The following CBR4 variants were observed in gnomAD, a reference collection of about 807,000 sequenced individuals.
CBR4 encodes the protein carbonyl reductase 4.
A neutral mutation model predicts 21.0 loss-of-function variants in CBR4; 22 were observed. The ratio of observed to expected loss-of-function variants is 1.05; its 90% confidence interval spans 0.75 to 1.50. The LOEUF (loss-of-function observed/expected upper bound fraction) is 1.50, where lower values mean the gene tolerates loss of function less well. Ranked by LOEUF, CBR4 falls within the 40% of genes most tolerant of loss-of-function variation. CBR4 has a pLI of 0.00. For missense variants in CBR4, 302 were observed against 286.3 expected (o/e 1.05, Z -0.40); for synonymous variants, 100 against 104.4 (o/e 0.96, Z 0.26).
chr4:169,002,044 A>G (rs1179662459), intron 4 of CBR4, 27 bp downstream of exon 4: 1 of 1,521,740 alleles, frequency 6.6e-7, no homozygotes, highest in Admixed American at 2.1e-5. Context: ...ATCATAATCA[A>G]GTTATTTTAA....
intron 2 of CBR4, among the ~76,000 whole-genome samples, chr4:168,980,329 G>A (rs1764511694): frequency 1.3e-5 from 2 of 152,160 alleles, no homozygotes; most frequent in South Asian, 2.1e-4. Flanking sequence ...AGGAGCCACA[G>A]GGCTGAGCAA....
chr4:168,926,625 TTGCTGTGATTA>T, intron 2 of CBR4: 1 of 421,456 alleles, frequency 2.4e-6, no homozygotes, highest in South Asian at 3.9e-5. Flanking sequence ...AACTTTGGAA[TTGCTGTGATTA>T]AAGTGATCAA....
rs143717202 is a variant in CBR4 at position 168,921,659 on chromosome 4, G to A, written n.170-26894C>T. 6.1e-5 allele frequency: 99 copies of A among 1,610,280 alleles called. No individual in the cohort carries two copies. The African/African-American group carries it at 1.0e-3, about 17-fold the overall frequency. On this transcript the variant is annotated intron_variant and non_coding_transcript_variant, in intron 2 of 3. Coordinates refer to the CBR4 transcript ENST00000509108. ...ACTCTCTGATCATAGAGCCAGTCAC[G>A]TCACGTGATGCCGGCATCTACACAT... is the stretch of plus-strand genomic sequence containing the variant.
At position 169,010,104 on chromosome 4, in the gene CBR4, C is replaced by CATAATAAAGCG; in HGVS notation, c.-16_-15insCGCTTTATTAT. 1 of 1,601,676 alleles carries CATAATAAAGCG rather than the reference C, an allele frequency of 6.2e-7. No homozygotes were observed. Among genetic ancestry groups the CATAATAAAGCG allele is most frequent in the Non-Finnish European group, 8.5e-7 (1 of 1,174,228 alleles). ...ACTTTGTCCATCTCGGAGTCACAAA[C>CATAATAAAGCG]TCGGAGGAAAGAGGGTAGGGAGTGG... On this transcript the variant is annotated 5_prime_UTR_variant, in exon 1 of 5. The change creates a new upstream start codon in the 5' untranslated region. Coordinates refer to ENST00000306193, the MANE Select transcript of CBR4 (RefSeq NM_032783.5).
In CBR4 at chr4:169,009,945, T is replaced by C. The variant is rs1252183275; in HGVS notation, c.142+3A>G. Reference sequence around the variant, plus strand: ...AACTGGACAACTCCAGTTTGGTACCTACCGCCGAGGTCACCGGCGGCGGCT... The same window carrying C: ...AACTGGACAACTCCAGTTTGGTACCCACCGCCGAGGTCACCGGCGGCGGCT... On this transcript the variant is annotated splice_donor_region_variant and intron_variant, in intron 1 of 4. Transcript: ENST00000306193. 4 of 1,609,964 alleles carry C rather than the reference T, an allele frequency of 2.5e-6. No individual in the cohort carries two copies. Among genetic ancestry groups the C allele is most frequent in the African/African-American group, 2.7e-5 (2 of 74,838 alleles).
intron 2 of CBR4, among the ~76,000 whole-genome samples, chr4:168,946,881 C>T (rs1763408777): frequency 6.6e-6 from 1 of 152,090 alleles, no homozygotes; most frequent in South Asian, 2.1e-4. Flanking sequence ...CCACATACAC[C>T]ATCCCACAGT....
chr4:168,902,642 C>G lies in CBR4; in HGVS notation n.170-7877G>C, dbSNP rs555599310. Among the ~76,000 whole-genome samples the G allele has an allele frequency of 3.3e-3, 496 of 152,232 alleles. 4 individuals carry two copies. Among genetic ancestry groups the G allele is most frequent in the African/African-American group, 0.01 (436 of 41,546 alleles). The stretch of plus-strand genomic sequence containing the variant: ...CCAGCCTGGGCAACGGAGCGAGACC[C>G]TGTCTCCAAAACAAAACAAAACCTT... On this transcript the variant is annotated intron_variant and non_coding_transcript_variant, in intron 2 of 3. Coordinates refer to the CBR4 transcript ENST00000509108.
intron 2 of CBR4, among the ~76,000 whole-genome samples, chr4:168,979,770 C>T (rs1175481834): frequency 6.6e-6 from 1 of 152,192 alleles, no homozygotes; most frequent in Non-Finnish European, 1.5e-5. Flanking sequence ...TTCCCATTCG[C>T]AGTGGCTCTG....
rs1764777373 is a variant in CBR4, at chr4:168,988,632, T to C, written c.*1518A>G. ...TGCATTTCCTATATGTGCCTAGACT[T>C]GGTAATGCCTGATAAATTCTGTATA... On this transcript the variant is annotated 3_prime_UTR_variant, in exon 5 of 5. Transcript: ENST00000306193. 1.0e-6 allele frequency: 1 copy of C among 985,408 alleles called. No individual in the cohort carries two copies. The highest frequency in any genetic ancestry group is 1.2e-6 in the Non-Finnish European group (1 of 829,870). 61.0% of individuals were successfully genotyped at this position (985,408 alleles called of 1,614,324 possible).
At chr4:168,986,769 CTT>C (rs1764705747), downstream of CBR4, among the ~76,000 whole-genome samples, 1 of 152,028 alleles carries the variant, frequency 6.6e-6, no homozygotes. Context: ...ACAGTGAGAC[CTT>C]GTCTCTACAA....
In CBR4 at chr4:169,010,043, C is replaced by G. The variant is rs150309583; in HGVS notation, c.47G>C (p.Arg16Thr). 249 of 1,613,888 alleles carry G rather than the reference C, an allele frequency of 1.5e-4. No homozygotes were observed. Among genetic ancestry groups the G allele is most frequent in the Non-Finnish European group, 2.0e-4 (231 of 1,179,998 alleles). Reference protein sequence around the residue: ...AVFGGSRGIGRAVAQLMARKG... With the variant: ...AVFGGSRGIGTAVAQLMARKG... ...CCGGGCCATTAACTGGGCCACAGCT[C>G]TGCCAATGCCTCGGGAGCCTCCAAA... The change falls in exon 1 of 5, where the codon AGA becomes ACA. Residue 16 changes from arginine (R) to threonine (T), a missense_variant. Arg to Thr is a moderately conservative substitution (Grantham distance 71). Transcript: ENST00000306193.
downstream of CBR4, among the ~76,000 whole-genome samples, chr4:168,986,344 T>C (rs1197780438): frequency 6.6e-6 from 1 of 152,228 alleles, no homozygotes; most frequent in Admixed American, 6.5e-5. Flanking sequence ...ACTCTAACTT[T>C]AGTTCAACAA....
At chr4:168,968,014 C>T (rs1433248670) in intron 2 of CBR4, among the ~76,000 whole-genome samples, 1 of 152,158 alleles carries the variant, frequency 6.6e-6, no homozygotes, top group Non-Finnish European at 1.5e-5. Context: ...ACCTCACTCT[C>T]TCACTTTCCA....
chr4:168,936,677 G>A (rs758360434), intron 2 of CBR4, among the ~76,000 whole-genome samples: 13 of 152,044 alleles, frequency 8.6e-5, no homozygotes, highest in Admixed American at 2.6e-4. Flanking sequence ...GTGGAAGACA[G>A]GATATCAGAG....
intron 2 of CBR4, among the ~76,000 whole-genome samples, chr4:168,948,611 G>C (rs962774818): frequency 3.3e-5 from 5 of 152,090 alleles, no homozygotes; most frequent in African/African-American, 1.2e-4. Flanking sequence ...AGCACCATTT[G>C]TTGAAAAGGG....
Position 169,006,604 on chromosome 4 carries a change from T to C in CBR4, c.400+151A>G, listed in dbSNP as rs1384718642. On this transcript the variant is annotated intron_variant, in intron 3 of 4. Transcript: ENST00000306193. ...TAGGGATGTGAATGTGTGATTCTTATTTTACTCATTAATCAATTAATTAAA... is the reference window on the plus strand; with the variant it reads ...TAGGGATGTGAATGTGTGATTCTTACTTTACTCATTAATCAATTAATTAAA... 6 of 740,760 alleles carry C rather than the reference T, an allele frequency of 8.1e-6. No homozygotes were observed. In the African/African-American group the frequency reaches 1.1e-4, roughly 13 times the overall value. 45.9% of individuals were successfully genotyped at this position (740,760 alleles called of 1,614,324 possible). A position where few individuals can be genotyped will look rare whatever the true frequency, so the allele number is the denominator to read the frequency against.
chr4:168,983,087 T>C (rs770004212), downstream of CBR4, among the ~76,000 whole-genome samples: 46 of 152,092 alleles, frequency 3.0e-4, no homozygotes, highest in African/African-American at 5.5e-4. Context: ...CTGAATGAAA[T>C]AGATGAGAAA....
intron 4 of CBR4, among the ~76,000 whole-genome samples, chr4:168,990,865 C>T (rs1156558573): frequency 6.6e-6 from 1 of 151,884 alleles, no homozygotes; most frequent in Non-Finnish European, 1.5e-5. Flanking sequence ...CCAGCCTGCC[C>T]AACATGGTGA....
intron 2 of CBR4, among the ~76,000 whole-genome samples, chr4:168,941,142 A>C (rs1442556863): frequency 6.6e-6 from 1 of 152,068 alleles, no homozygotes; most frequent in Non-Finnish European, 1.5e-5. Context: ...ACACATAGAC[A>C]CAGGGAGGGG....
Sources: allele counts gnomAD v4.1 joint callset (sites outside exome capture counted in the v4.1 genomes callset), GRCh38; gene constraint gnomAD v4.1.1; transcripts MANE v1.5; gene names NCBI Gene and HGNC (gene_info 2026-07-23, HGNC 2026-07-21).